Variants in AHNAK2 observed in about 807,000 individuals in gnomAD.
The protein encoded by AHNAK2 is AHNAK nucleoprotein 2, also known as protein AHNAK2.
AHNAK2 carries 18 observed loss-of-function variants against 30.7 expected under a neutral mutation model. The observed-to-expected ratio is 0.59, with a 90% CI of 0.41 to 0.87. The LOEUF is 0.87. Among genes scored for constraint, AHNAK2 ranks in the 40% least tolerant of loss-of-function variants. AHNAK2 has a pLI of 0.00. For missense variants in AHNAK2, 8,604 were observed against 7,373.0 expected, an observed-to-expected ratio of 1.17 and a Z score of -6.11; for synonymous variants, 3,590 against 3,073.8, an observed-to-expected ratio of 1.17 and a Z score of -5.56.
Position 104,938,835 on chromosome 14 carries a change from G to A in AHNAK2, c.16616C>T (p.Thr5539Ile), listed in dbSNP as rs1897889703. Reference sequence around the variant, plus strand: ...GCCCTCCTGAGTCCTAGAGTGTTGAGTCATTGTTGTGTACACTCTAGCCTG... The same window carrying A: ...GCCCTCCTGAGTCCTAGAGTGTTGAATCATTGTTGTGTACACTCTAGCCTG... ...HTQARVYTTMTQHSRTQEGTE... is the reference protein window; with the variant it reads ...HTQARVYTTMIQHSRTQEGTE... Residue 5539 changes from threonine to isoleucine, a missense_variant, in exon 7 of 7, where the codon ACT becomes ATT. Coordinates refer to ENST00000333244, the MANE Select transcript of AHNAK2 (RefSeq NM_138420.4). 1 of 1,613,826 alleles carries A rather than the reference G, an allele frequency of 6.2e-7. No individual in the cohort carries two copies. The highest frequency in any genetic ancestry group is 1.3e-5 in the African/African-American group (1 of 74,912).
chr14:104,948,781 C>A lies in AHNAK2; in HGVS notation c.6670G>T (p.Gly2224Cys), dbSNP rs1333345894. 6.2e-7 allele frequency: 1 copy of A among 1,612,242 alleles called. No homozygotes were observed. The highest frequency in any genetic ancestry group is 8.5e-7 in the Non-Finnish European group (1 of 1,179,602). The stretch of plus-strand genomic sequence containing the variant: ...AGGCCGACTTCCTCGGGCACAGGGC[C>A]CTCCAGGAGTTTCACGTCCACCTGG... ...AGQVDVKLLEGPVPEEVGLKG... is the reference protein window; with the variant it reads ...AGQVDVKLLECPVPEEVGLKG... Residue 2224 changes from glycine (G) to cysteine (C), a missense_variant, in exon 7 of 7, where the codon GGC (glycine) becomes TGC (cysteine). Gly to Cys is a radical substitution (Grantham distance 159). Transcript: ENST00000333244.
At chr14:104,975,649 G>T (rs1280781591) in intron 1 of AHNAK2, among the ~76,000 whole-genome samples, 1 of 152,212 alleles carries the variant, frequency 6.6e-6, no homozygotes, top group Non-Finnish European at 1.5e-5. Flanking sequence ...AGAGCCCAGG[G>T]AGTCACTGCG....
rs894028 is a variant in AHNAK2 at position 104,965,485 on chromosome 14, G to A, written c.56-7813C>T. On this transcript the variant is annotated intron_variant, in intron 1 of 6. Transcript: ENST00000333244. ...AAACCGTCCCACAAAAAGGACTCCA[G>A]TCTCAACCCCACTCTGAATTATACT... Among the ~76,000 whole-genome samples the A allele has an allele frequency of 2.9e-3, 442 of 151,330 alleles. 4 individuals are homozygous for A. The highest frequency in any genetic ancestry group is 0.01 in the African/African-American group (418 of 41,196).
chr14:104,952,978 C>G lies in AHNAK2; in HGVS notation c.2473G>C (p.Glu825Gln). ...LEGDLSLADK[E>Q]VTAKDSKFKM... ...AACTTGCTGTCTTTGGCAGTCACCT[C>G]CTTGTCGGCCAGGGACAGGTCCCCC... Residue 825 changes from glutamate (E) to glutamine (Q), a missense_variant, in exon 7 of 7, where the codon GAG becomes CAG. Glu to Gln is a conservative substitution (Grantham distance 29). Coordinates refer to ENST00000333244, the MANE Select transcript of AHNAK2 (RefSeq NM_138420.4). 1.2e-6 allele frequency: 2 copies of G among 1,612,886 alleles called. No homozygotes were observed. Among genetic ancestry groups the G allele is most frequent in the Non-Finnish European group, 1.7e-6 (2 of 1,179,626 alleles).
Position 104,952,099 on chromosome 14 carries a change from T to C in AHNAK2, c.3352A>G (p.Thr1118Ala). ...LDLKSPKAEV[T>A]APDVEVSLPS... Reference sequence around the variant, plus strand: ...AGAGACACCTCCACATCAGGGGCTGTGACTTCCGCCTTGGGGCTTTTCAGG... The same window carrying C: ...AGAGACACCTCCACATCAGGGGCTGCGACTTCCGCCTTGGGGCTTTTCAGG... Residue 1118 changes from threonine to alanine, a missense_variant, in exon 7 of 7, where the codon ACA (threonine) becomes GCA (alanine). Physicochemically the swap from Thr to Ala is moderately conservative, Grantham distance 58 (BLOSUM62 0). Transcript: ENST00000333244. 6.2e-7 allele frequency: 1 copy of C among 1,612,644 alleles called. No individual in the cohort carries two copies. The highest frequency in any genetic ancestry group is 8.5e-7 in the Non-Finnish European group (1 of 1,179,698).
rs201871248 is a variant in AHNAK2 at position 104,950,922 on chromosome 14, T to C, written c.4529A>G (p.Lys1510Arg). ...CACATCCACTGAGGCCTCGATGGAC[T>C]TGCCTGGGGCAGACACCCCGAACGA... is the stretch of plus-strand genomic sequence containing the variant. Reference protein sequence around the residue: ...MPSFGVSAPGKSIEASVDVSA... With the variant: ...MPSFGVSAPGRSIEASVDVSA... Residue 1510 changes from lysine to arginine, a missense_variant, in exon 7 of 7, where the codon AAG (lysine) becomes AGG (arginine). Physicochemically the swap from Lys to Arg is conservative, Grantham distance 26. Transcript: ENST00000333244. 266 of 1,556,766 alleles carry C rather than the reference T, an allele frequency of 1.7e-4. 27 individuals are homozygous for C. The highest frequency in any genetic ancestry group is 8.6e-4 in the Middle Eastern group (5 of 5,782).
Position 104,940,732 on chromosome 14 carries a change from G to T in AHNAK2, c.14719C>A (p.Pro4907Thr). ...CCTGGGGATGGCAGCTGGGTGCTTGGCAAGGGGCACTGCACTCTTTCTCCA... is the reference window on the plus strand; with the variant it reads ...CCTGGGGATGGCAGCTGGGTGCTTGTCAAGGGGCACTGCACTCTTTCTCCA... ...SPGERVQCPL[P>T]STQLPSPGTC... is the part of the protein sequence containing the mutation. Residue 4907 changes from proline (P) to threonine (T), a missense_variant, in exon 7 of 7, where the codon CCA (proline) becomes ACA (threonine). Coordinates refer to ENST00000333244, the MANE Select transcript of AHNAK2 (RefSeq NM_138420.4). This position sits in a 1 kb window ranked among gnomAD's most constrained non-coding sequence, Gnocchi z 4.4. 1 of 1,612,846 alleles carries T rather than the reference G, an allele frequency of 6.2e-7. No homozygotes were observed. Among genetic ancestry groups the T allele is most frequent in the Non-Finnish European group, 8.5e-7 (1 of 1,179,766 alleles).
At chr14:104,961,381 G>A (rs1243770360) in intron 1 of AHNAK2, among the ~76,000 whole-genome samples, 2 of 152,034 alleles carry the variant, frequency 1.3e-5, no homozygotes, top group African/African-American at 4.8e-5. Flanking sequence ...GGGCGAGGTG[G>A]CGGGCGCCTG....
At position 104,978,251 on chromosome 14, in the gene AHNAK2, C is replaced by A. The variant is rs765135377; in HGVS notation, c.-14G>T. Reference sequence around the variant, plus strand: ...GCAGTCGCACATCGCGGCGGCCAGGCGGTGCGGGCCTGGCGGCCCGTCGCG... The same window carrying A: ...GCAGTCGCACATCGCGGCGGCCAGGAGGTGCGGGCCTGGCGGCCCGTCGCG... On this transcript the variant is annotated 5_prime_UTR_variant, in exon 1 of 7. Transcript: ENST00000333244. 5 of 1,074,500 alleles carry A rather than the reference C, an allele frequency of 4.7e-6. No individual in the cohort carries two copies. In the South Asian group the frequency reaches 1.7e-4, roughly 38 times the overall value. The allele number at this position is 1,074,500 out of a possible 1,614,324, so 66.6% of individuals were successfully genotyped here. A position where few individuals can be genotyped will look rare whatever the true frequency, so the allele number is the denominator to read the frequency against.
Position 104,953,989 on chromosome 14 carries a change from C to G in AHNAK2, c.1462G>C (p.Asp488His). The G allele has an allele frequency of 1.9e-6, 3 of 1,613,818 alleles. No homozygotes were observed. The highest frequency in any genetic ancestry group is 2.5e-6 in the Non-Finnish European group (3 of 1,179,888). Residue 488 changes from aspartate to histidine, a missense_variant, in exon 7 of 7, where the codon GAT (aspartate) becomes CAT (histidine). Asp to His is a moderately conservative substitution (Grantham distance 81, BLOSUM62 -1). Coordinates refer to ENST00000333244, the MANE Select transcript of AHNAK2 (RefSeq NM_138420.4). ...AATGCAAATTTTGGTGTCTTTAAAT[C>G]GTGTACTCGCACCCTAATTTCTGGT... is the stretch of plus-strand genomic sequence containing the variant. ...GPPEIRVRVH[D>H]LKTPKFAFST...
rs761465323 is a variant in AHNAK2 at position 104,944,726 on chromosome 14, C to A, written c.10725G>T (p.Gln3575His). ...CCAGCTTGGGGCCCTTAACATCTATCTGGGGGCCCTTGAGGTCCACTTTGG... is the reference window on the plus strand; with the variant it reads ...CCAGCTTGGGGCCCTTAACATCTATATGGGGGCCCTTGAGGTCCACTTTGG... ...KTPKVDLKGP[Q>H]IDVKGPKLDL... The change falls in exon 7 of 7, where the codon CAG (glutamine) becomes CAT (histidine). Residue 3575 changes from glutamine (Q) to histidine (H), a missense_variant. Coordinates refer to ENST00000333244, the MANE Select transcript of AHNAK2 (RefSeq NM_138420.4). 4 of 1,612,632 alleles carry A rather than the reference C, an allele frequency of 2.5e-6. No individual in the cohort carries two copies. The highest frequency in any genetic ancestry group is 2.2e-5 in the South Asian group (2 of 91,016).
chr14:104,966,871 T>C lies in AHNAK2; in HGVS notation c.56-9199A>G, dbSNP rs1486171554. 6.6e-6 allele frequency among the ~76,000 whole-genome samples: 1 copy of C among 152,206 alleles called. No homozygotes were observed. The highest frequency in any genetic ancestry group is 2.4e-5 in the African/African-American group (1 of 41,446). ...GGTAAGCCACTCTCTGGCCTCAGTTTCCCTTCCTGCTCTGCCCAGACCCTG... is the reference window on the plus strand; with the variant it reads ...GGTAAGCCACTCTCTGGCCTCAGTTCCCCTTCCTGCTCTGCCCAGACCCTG... On this transcript the variant is annotated intron_variant, in intron 1 of 6. Coordinates refer to ENST00000333244, the MANE Select transcript of AHNAK2 (RefSeq NM_138420.4). The surrounding 1 kb of genome is among the most constrained non-coding windows in gnomAD (Gnocchi z 4.3).
intron 1 of AHNAK2, among the ~76,000 whole-genome samples, chr14:104,971,966 G>C (rs923122382): frequency 6.6e-6 from 1 of 152,360 alleles, no homozygotes; most frequent in East Asian, 1.9e-4. Flanking sequence ...GGCCCCAACG[G>C]CATGGGAAGA....
Position 104,940,077 on chromosome 14 carries a change from T to C in AHNAK2, c.15374A>G (p.His5125Arg), listed in dbSNP as rs762788619. The change falls in exon 7 of 7, where the codon CAT becomes CGT. Residue 5125 changes from histidine to arginine, a missense_variant. His to Arg is a conservative substitution (Grantham distance 29, BLOSUM62 0). Coordinates refer to ENST00000333244, the MANE Select transcript of AHNAK2 (RefSeq NM_138420.4). This position sits in a 1 kb window ranked among gnomAD's most constrained non-coding sequence, Gnocchi z 4.4. Reference sequence around the variant, plus strand: ...GCTGTCACCTTCGGTAGACAGATCATGTTTGGGAAGAGGCAGGTCAGCTTC... The same window carrying C: ...GCTGTCACCTTCGGTAGACAGATCACGTTTGGGAAGAGGCAGGTCAGCTTC... The part of the protein sequence containing the change: ...QPEADLPLPK[H>R]DLSTEGDSRG... 2.5e-6 allele frequency: 4 copies of C among 1,613,260 alleles called. No homozygotes were observed. The Admixed American group carries it at 6.7e-5, about 27-fold the overall frequency.
At chr14:104,973,168 G>T (rs1899517038) in intron 1 of AHNAK2, among the ~76,000 whole-genome samples, 1 of 152,240 alleles carries the variant, frequency 6.6e-6, no homozygotes. Context: ...GCTCTGCTAA[G>T]CCACCACATC....
At position 104,948,115 on chromosome 14, in the gene AHNAK2, G is replaced by A. The variant is rs1313859761; in HGVS notation, c.7336C>T (p.Gln2446Ter). 4 of 1,612,386 alleles carry A rather than the reference G, an allele frequency of 2.5e-6. No homozygotes were observed. Among genetic ancestry groups the A allele is most frequent in the East Asian group, 4.5e-5 (2 of 44,754 alleles). The stretch of plus-strand genomic sequence containing the variant: ...TCGACATCCACCTCCACGCTGGGCT[G>A]AGACACCTCCACGTCGGGGGCCATC... Reference protein sequence around the residue: ...DVMAPDVEVSQPSVEVDVEAP... With the variant: ...DVMAPDVEVS Residue 2446 changes from glutamine (Q) to a stop codon, truncating the protein, a stop_gained, in exon 7 of 7, where the codon CAG becomes TAG. Coordinates refer to ENST00000333244, the MANE Select transcript of AHNAK2 (RefSeq NM_138420.4). LOFTEE classifies it low-confidence loss of function (END_TRUNC).
At chr14:104,974,622 T>C (rs1899552605) in intron 1 of AHNAK2, among the ~76,000 whole-genome samples, 1 of 152,228 alleles carries the variant, frequency 6.6e-6, no homozygotes, top group Non-Finnish European at 1.5e-5. Context: ...TTCACATTTG[T>C]TGACTGAACA....
rs1471052034 is a variant in AHNAK2, at chr14:104,947,239, T to C, written c.8212A>G (p.Ser2738Gly). ...AGGTCCACTTCAGGCATCTTGAAAC[T>C]GGGCATCTGCAGCTTGGGCAGGTGC... ...KGHLPKLQMP[S>G]FKMPEVDLKG... Residue 2738 changes from serine (S) to glycine (G), a missense_variant, in exon 7 of 7, where the codon AGT (serine) becomes GGT (glycine). Transcript: ENST00000333244. 3 of 1,611,720 alleles carry C rather than the reference T, an allele frequency of 1.9e-6. No homozygotes were observed. In the South Asian group the frequency reaches 3.3e-5, roughly 18 times the overall value.
At position 104,940,844 on chromosome 14, in the gene AHNAK2, C is replaced by T. The variant is rs751493844; in HGVS notation, c.14607G>A (p.Lys4869=). ...CCATTTGGGGGACTGAAAACACAAA[C>T]TTTGGTTTATAGAATTTAGGAAAAG... ...QVSFPKFYKP[K]FVFSVPQMAV... is the part of the protein sequence containing the mutation. Residue 4869 remains lysine (K), a synonymous_variant, in exon 7 of 7, where the codon AAG becomes AAA. Coordinates refer to ENST00000333244, the MANE Select transcript of AHNAK2 (RefSeq NM_138420.4). The surrounding 1 kb of genome is among the most constrained non-coding windows in gnomAD (Gnocchi z 4.4). 25 of 1,613,074 alleles carry T rather than the reference C, an allele frequency of 1.5e-5. No homozygotes were observed. The highest frequency in any genetic ancestry group is 2.0e-5 in the Non-Finnish European group (24 of 1,179,858).
Sources: gnomAD v4.1 joint callset for allele counts (sites outside exome capture counted in the v4.1 genomes callset) on GRCh38, gnomAD v4.1.1 for gene constraint, Gnocchi (gnomAD v3.1) non-coding constraint, MANE v1.5 for transcripts, NCBI Gene and HGNC (gene_info 2026-07-23, HGNC 2026-07-21) for gene names.